The following AHNAK variants were observed in gnomAD, a reference collection of about 807,000 sequenced individuals.
AHNAK encodes AHNAK nucleoprotein.
A neutral mutation model predicts 37.8 loss-of-function variants in AHNAK; 23 were observed. The observed-to-expected ratio is 0.61, with a 90% CI of 0.44 to 0.86. The LOEUF (loss-of-function observed/expected upper bound fraction) is 0.86. Ranked by LOEUF, AHNAK falls within the 40% of genes least tolerant of loss-of-function variation. The pLI, the probability that AHNAK is intolerant of heterozygous loss-of-function variation, is 0.00. For synonymous variants in AHNAK, 2,481 were observed against 2,636.3 expected (o/e 0.94, Z 1.80); for missense variants, 7,411 against 7,319.4 (o/e 1.01, Z -0.46).
chr11:62,433,764 A>G (rs1938098052), exon 6 of AHNAK: 1 of 1,409,358 alleles, frequency 7.1e-7, no homozygotes, highest in East Asian at 2.3e-5. Context: ...GTATTCCTTT[A>G]ACTGCAGGTG....
At chr11:62,545,051 T>A (rs1029473946) in intron 1 of AHNAK, among the ~76,000 whole-genome samples, 10 of 152,190 alleles carry the variant, frequency 6.6e-5, no homozygotes, top group African/African-American at 9.7e-5. Flanking sequence ...CAGAGGTAGA[T>A]ATCTCGGTCC....
chr11:62,521,975 C>A lies in AHNAK; in HGVS notation c.12442G>T (p.Asp4148Tyr), dbSNP rs770184946. The A allele has an allele frequency of 3.7e-6, 6 of 1,613,300 alleles. No homozygotes were observed. The highest frequency in any genetic ancestry group is 5.1e-6 in the Non-Finnish European group (6 of 1,179,860). Reference protein sequence around the residue: ...LKGPKMKGDVDVSLPKVEGDL... With the variant: ...LKGPKMKGDVYVSLPKVEGDL... ...CCTTCCACTTTGGGCAGAGAAACGT[C>A]CACGTCGCCCTTCATCTTTGGACCT... The change falls in exon 5 of 5, where the codon GAC becomes TAC. Residue 4148 changes from aspartate to tyrosine, a missense_variant. By Grantham distance (160) the Asp-to-Tyr change is radical (BLOSUM62 -3). Coordinates refer to ENST00000378024, the MANE Select transcript of AHNAK (RefSeq NM_001620.3).
At position 62,442,869 on chromosome 11, in the gene AHNAK, C is replaced by CA. The variant is rs796231873; in HGVS notation, c.443-8979dup. Among the ~76,000 whole-genome samples the CA allele has an allele frequency of 9.9e-3, 1,415 of 143,168 alleles. 22 individuals are homozygous for CA. Among genetic ancestry groups the CA allele is most frequent in the African/African-American group, 0.035 (1,359 of 39,110 alleles). 93.9% of individuals were successfully genotyped at this position (143,168 alleles called of 152,430 possible). ...GGCAAGACAGAGCAAGACTCCATCT[C>CA]AAAAAAAAAAGGAAAATATTAAACA... On this transcript the variant is annotated intron_variant, in intron 5 of 5. Transcript: ENST00000257247.
At position 62,520,923 on chromosome 11, in the gene AHNAK, A is replaced by G; in HGVS notation, c.13494T>C (p.Pro4498=). 6.2e-7 allele frequency: 1 copy of G among 1,614,148 alleles called. No individual in the cohort carries two copies. Among genetic ancestry groups the G allele is most frequent in the Non-Finnish European group, 8.5e-7 (1 of 1,180,012 alleles). Residue 4498 remains proline, a synonymous_variant, in exon 5 of 5, where the codon CCT becomes CCC. Coordinates refer to ENST00000378024, the MANE Select transcript of AHNAK (RefSeq NM_001620.3). ...LKGPEVDIEG[P]EGKLKGPKFK... Reference sequence around the variant, plus strand: ...ACTTGGGACCTTTGAGCTTCCCTTCAGGACCTTCAATGTCTACCTCTGGCC... The same window carrying G: ...ACTTGGGACCTTTGAGCTTCCCTTCGGGACCTTCAATGTCTACCTCTGGCC...
At chr11:62,442,735 G>A (rs1467623741) in intron 5 of AHNAK, among the ~76,000 whole-genome samples, 1 of 151,354 alleles carries the variant, frequency 6.6e-6, no homozygotes, top group Non-Finnish European at 1.5e-5. Context: ...CGGGTGTGGT[G>A]GCGCACACCT....
rs756667282 is a variant in AHNAK at position 62,521,648 on chromosome 11, T to C, written c.12769A>G (p.Ile4257Val). 3 of 1,613,740 alleles carry C rather than the reference T, an allele frequency of 1.9e-6. No homozygotes were observed. Among genetic ancestry groups the C allele is most frequent in the Non-Finnish European group, 8.5e-7 (1 of 1,179,960 alleles). ...MPEMNIKAPK[I>V]SMPDFDLHLK... ...TGCAAATCAAAGTCAGGCATGGAGA[T>C]CTTGGGGGCTTTGATGTTCATCTCA... Residue 4257 changes from isoleucine (I) to valine (V), a missense_variant, in exon 5 of 5, where the codon ATC becomes GTC. Transcript: ENST00000378024.
chr11:62,501,826 G>A (rs1011019710), intron 4 of AHNAK, among the ~76,000 whole-genome samples: 11 of 152,194 alleles, frequency 7.2e-5, no homozygotes, highest in African/African-American at 2.4e-4. Flanking sequence ...GGGGGCATGG[G>A]GCAGTTCGCT....
chr11:62,531,610 A>T lies in AHNAK; in HGVS notation c.2807T>A (p.Met936Lys). The change falls in exon 5 of 5, where the codon ATG becomes AAG. Residue 936 changes from methionine (M) to lysine (K), a missense_variant. Physicochemically the swap from Met to Lys is moderately conservative, Grantham distance 95. Coordinates refer to ENST00000378024, the MANE Select transcript of AHNAK (RefSeq NM_001620.3). The part of the protein sequence containing the change: ...EGKLKGPKFK[M>K]PEMNIKAPKI... ...GGGGGCCTTGATATTCATCTCTGGCATCTTGAACTTGGGGCCCTTCAGCTT... is the reference window on the plus strand; with the variant it reads ...GGGGGCCTTGATATTCATCTCTGGCTTCTTGAACTTGGGGCCCTTCAGCTT... 1.2e-6 allele frequency: 2 copies of T among 1,613,742 alleles called. No homozygotes were observed.
intron 4 of AHNAK, among the ~76,000 whole-genome samples, chr11:62,506,680 G>A (rs1298928983): frequency 1.3e-5 from 2 of 152,316 alleles, no homozygotes; most frequent in East Asian, 1.9e-4. Flanking sequence ...AGGCTGTGTG[G>A]GCCGGGTGGT....
intron 5 of AHNAK, among the ~76,000 whole-genome samples, chr11:62,434,428 C>G (rs936204810): frequency 6.6e-6 from 1 of 152,090 alleles, no homozygotes; most frequent in East Asian, 1.9e-4. Context: ...AGCCTAACTA[C>G]TACATCTTCT....
At chr11:62,509,645 G>A (rs974032874) in intron 4 of AHNAK, among the ~76,000 whole-genome samples, 1 of 152,086 alleles carries the variant, frequency 6.6e-6, no homozygotes, top group African/African-American at 2.4e-5. Flanking sequence ...AGACATTGTC[G>A]CCGGGCATGG....
At chr11:62,538,330 C>T (rs1941019000) in intron 1 of AHNAK, among the ~76,000 whole-genome samples, 1 of 152,202 alleles carries the variant, frequency 6.6e-6, no homozygotes, top group Non-Finnish European at 1.5e-5. Context: ...CTTATAGGTG[C>T]AAGCATTTAG....
rs142861641 is a variant in AHNAK, at chr11:62,523,260, A to G, written c.11157T>C (p.Ile3719=). ...ATTTACCCTCTGAGCCTTCGATGTT[A>G]ATGTCAGGAGTGTCAATGTCCACTT... The part of the protein sequence containing the change: ...GPKVDIDTPD[I]NIEGSEGKFK... The change falls in exon 5 of 5, where the codon ATT becomes ATC. Residue 3719 remains isoleucine (I), a synonymous_variant. Transcript: ENST00000378024. 5.0e-6 allele frequency: 8 copies of G among 1,613,574 alleles called. No homozygotes were observed. In the African/African-American group the frequency reaches 5.4e-5, roughly 11 times the overall value.
chr11:62,446,092 T>TGCAGGAGGG (rs1938418277), intron 5 of AHNAK, among the ~76,000 whole-genome samples: 2 of 152,090 alleles, frequency 1.3e-5, no homozygotes, highest in South Asian at 4.1e-4. Flanking sequence ...CAGGGAGGGA[T>TGCAGGAGGG]GCAGGAGGGG....
chr11:62,503,892 G>A (rs539665165), intron 4 of AHNAK, among the ~76,000 whole-genome samples: 18 of 152,250 alleles, frequency 1.2e-4, no homozygotes, highest in African/African-American at 3.9e-4. Context: ...CGGGCGTGGT[G>A]GCTTATGCCT....
chr11:62,440,174 G>A lies in AHNAK; in HGVS notation c.443-6283C>T, dbSNP rs145623948. Among the ~76,000 whole-genome samples, 1,314 of 152,292 alleles carry A rather than the reference G, an allele frequency of 8.6e-3. 11 individuals carry two copies. Among genetic ancestry groups the A allele is most frequent in the Middle Eastern group, 0.027 (8 of 294 alleles). Reference sequence around the variant, plus strand: ...ATCAAGGGCCCTGAGGGAAAAGTGAGGGGGTGGCCGGGAGGTAGAATCGTG... The same window carrying A: ...ATCAAGGGCCCTGAGGGAAAAGTGAAGGGGTGGCCGGGAGGTAGAATCGTG... On this transcript the variant is annotated intron_variant, in intron 5 of 5. Coordinates refer to the AHNAK transcript ENST00000257247.
At chr11:62,465,325 C>T (rs1938886289) in intron 5 of AHNAK, among the ~76,000 whole-genome samples, 1 of 151,994 alleles carries the variant, frequency 6.6e-6, no homozygotes, top group Non-Finnish European at 1.5e-5. Flanking sequence ...CAAATTTTAC[C>T]GTGCGGTCGC....
At chr11:62,509,745 C>T (rs944494896) in intron 4 of AHNAK, among the ~76,000 whole-genome samples, 36 of 151,678 alleles carry the variant, frequency 2.4e-4, no homozygotes, top group African/African-American at 4.1e-4. Context: ...GGCGAAACCC[C>T]GTCTCTACTA....
At chr11:62,434,114 G>T (rs116846164) in intron 5 of AHNAK, among the ~76,000 whole-genome samples, 2,328 of 152,136 alleles carry the variant, frequency 0.015, 23 homozygotes, top group South Asian at 0.024. Flanking sequence ...TGGTTTCTGT[G>T]CGGCAAGGGT....
Sources: allele counts gnomAD v4.1 joint callset (sites outside exome capture counted in the v4.1 genomes callset), GRCh38; gene constraint gnomAD v4.1.1; transcripts MANE v1.5; gene names NCBI Gene and HGNC (gene_info 2026-07-23, HGNC 2026-07-21).